The following AFAP1L2 variants were observed in gnomAD, a reference collection of about 807,000 sequenced individuals.
The protein encoded by AFAP1L2 is actin filament associated protein 1 like 2, also known as actin filament-associated protein 1-like 2.
AFAP1L2 carries 46 observed loss-of-function variants against 99.3 expected under a neutral mutation model. That is an observed-to-expected ratio of 0.46 (90% CI 0.37 to 0.59). The LOEUF (loss-of-function observed/expected upper bound fraction) is 0.59. Ranked by LOEUF, AFAP1L2 falls within the 20% of genes least tolerant of loss-of-function variation. AFAP1L2 has a pLI of 0.00. For missense variants in AFAP1L2, 959 were observed against 1,034.9 expected, an observed-to-expected ratio of 0.93 and a Z score of 1.01; for synonymous variants, 397 against 419.1, an observed-to-expected ratio of 0.95 and a Z score of 0.64.
chr10:114,295,848 T>C lies in AFAP1L2; in HGVS notation c.*194A>G, dbSNP rs1213094809. ...ACTTAGGTCTCCAAAGAAGCCTCCT[T>C]TTTGTTGTATTATTTCCTTTGGCTC... On this transcript the variant is annotated 3_prime_UTR_variant, in exon 19 of 19. Coordinates refer to ENST00000304129, the MANE Select transcript of AFAP1L2 (RefSeq NM_001001936.3). 2 of 1,414,914 alleles carry C rather than the reference T, an allele frequency of 1.4e-6. No homozygotes were observed. Among genetic ancestry groups the C allele is most frequent in the African/African-American group, 2.9e-5 (2 of 69,478 alleles). The allele number at this position is 1,414,914 out of a possible 1,614,324, so 87.6% of individuals were successfully genotyped here. A position where few individuals can be genotyped will look rare whatever the true frequency, so the allele number is the denominator to read the frequency against.
At chr10:114,367,123 AG>A (rs2053391282) in intron 1 of AFAP1L2, among the ~76,000 whole-genome samples, 1 of 152,196 alleles carries the variant, frequency 6.6e-6, no homozygotes, top group Non-Finnish European at 1.5e-5. Context: ...TGGGAGGTGA[AG>A]GCTAACACAT....
intron 1 of AFAP1L2, among the ~76,000 whole-genome samples, chr10:114,345,534 C>T (rs893572256): frequency 6.6e-6 from 1 of 152,168 alleles, no homozygotes; most frequent in Admixed American, 6.5e-5. Context: ...AGCTGTGCCC[C>T]TACCACCTCA....
chr10:114,290,086 G>C, downstream of AFAP1L2: 1 of 951,288 alleles, frequency 1.1e-6, no homozygotes, highest in South Asian at 1.8e-5. Context: ...TACTAACCTA[G>C]CCAAGTGGTA....
chr10:114,404,667 C>CCCT, upstream of AFAP1L2: 1 of 569,938 alleles, frequency 1.8e-6, no homozygotes, highest in Non-Finnish European at 2.6e-6. Context: ...GTCCCAGCGC[C>CCCT]GGAGAACTCC....
intron 8 of AFAP1L2, among the ~76,000 whole-genome samples, chr10:114,309,501 C>G (rs898239512): frequency 1.3e-5 from 2 of 152,184 alleles, no homozygotes; most frequent in Non-Finnish European, 2.9e-5. Context: ...CTATGTGTGC[C>G]CACGCTTCAG....
intron 4 of AFAP1L2, chr10:114,326,154 C>T (rs144302920): frequency 2.4e-4 from 188 of 788,692 alleles, no homozygotes; most frequent in Non-Finnish European, 3.0e-4. Context: ...AGGGTGGAGC[C>T]AGGCAGTGTT....
intron 18 of AFAP1L2, 103 bp downstream of exon 18, chr10:114,296,875 A>C (rs778630378): frequency 1.3e-6 from 2 of 1,590,010 alleles, no homozygotes; most frequent in Non-Finnish European, 1.7e-6. Flanking sequence ...CCTTGCTCAG[A>C]GCTGGTGCCA....
chr10:114,392,285 G>A (rs1354437510), intron 1 of AFAP1L2, among the ~76,000 whole-genome samples: 1 of 152,162 alleles, frequency 6.6e-6, no homozygotes, highest in East Asian at 1.9e-4. Flanking sequence ...AGCTGCTCAG[G>A]AGACTGAGTC....
In AFAP1L2 at chr10:114,300,668, G is replaced by C. The variant is rs2781806; in HGVS notation, c.1565C>G (p.Thr522Ser). ...TAAVEPTEEA[T>S]PVADDPNERE... ...CTCATTTGGGTCATCTGCAACAGGG[G>C]TGGCTTCCTCGGTAGGCTCCACCTG... The change falls in exon 14 of 19, where the codon ACC becomes AGC. Residue 522 changes from threonine (T) to serine (S), a missense_variant. Thr to Ser is a moderately conservative substitution (Grantham distance 58, BLOSUM62 1). This residue lies in a region of AFAP1L2 where 576 missense variants were observed against 562.1 expected (regional missense o/e 1.02). Coordinates refer to ENST00000304129, the MANE Select transcript of AFAP1L2 (RefSeq NM_001001936.3). The C allele has an allele frequency of 0.03, 47,608 of 1,602,178 alleles. 1,013 individuals carry two copies. The highest frequency in any genetic ancestry group is 0.08 in the African/African-American group (5,987 of 74,890).
At chr10:114,357,845 G>A (rs922657817) in intron 1 of AFAP1L2, among the ~76,000 whole-genome samples, 9 of 152,132 alleles carry the variant, frequency 5.9e-5, no homozygotes, top group East Asian at 1.9e-4. Flanking sequence ...TTCCAACCAC[G>A]GTTATTTTCC....
chr10:114,346,365 C>T lies in AFAP1L2; in HGVS notation c.17-5634G>A, dbSNP rs117391384. The stretch of plus-strand genomic sequence containing the variant: ...CTATCTCCAGGGCAGAAGCTCTTTC[C>T]GGTCAAGGGTCAAGATTTATAGATT... On this transcript the variant is annotated intron_variant, in intron 1 of 18. Transcript: ENST00000304129. 6.6e-5 allele frequency among the ~76,000 whole-genome samples: 10 copies of T among 152,252 alleles called. No homozygotes were observed. The East Asian group carries it at 1.4e-3, about 21-fold the overall frequency.
At position 114,314,062 on chromosome 10, in the gene AFAP1L2, G is replaced by A; in HGVS notation, c.613-12C>T. On this transcript the variant is annotated splice_polypyrimidine_tract_variant and intron_variant, in intron 6 of 18. Transcript: ENST00000304129. ...GAGGATTTGTAGCACTGGAAGGAAA[G>A]AGAGAAGATACACCACTTTGCCAGG... The A allele has an allele frequency of 6.2e-7, 1 of 1,605,336 alleles. No individual in the cohort carries two copies. Among genetic ancestry groups the A allele is most frequent in the Non-Finnish European group, 8.5e-7 (1 of 1,173,076 alleles).
At chr10:114,300,820 G>C (rs1416769317) in intron 13 of AFAP1L2, 130 bp from the exon 14 acceptor site, 3 of 1,307,720 alleles carry the variant, frequency 2.3e-6, no homozygotes, top group Non-Finnish European at 3.1e-6. Context: ...CTCCCTGCTG[G>C]GGGGGCCACT....
At chr10:114,378,872 T>C (rs1410564446) in intron 1 of AFAP1L2, among the ~76,000 whole-genome samples, 1 of 152,014 alleles carries the variant, frequency 6.6e-6, no homozygotes, top group East Asian at 1.9e-4. Context: ...GTCAGCAAAA[T>C]TGGGATCTTC....
intron 4 of AFAP1L2, among the ~76,000 whole-genome samples, chr10:114,330,471 A>G (rs1244594359): frequency 6.6e-6 from 1 of 152,216 alleles, no homozygotes; most frequent in Admixed American, 6.5e-5. Flanking sequence ...AGGCTGTGTG[A>G]CATTAGGTTT....
intron 12 of AFAP1L2, 80 bp downstream of exon 12, chr10:114,302,259 C>A: frequency 6.3e-6 from 10 of 1,580,398 alleles, no homozygotes; most frequent in Non-Finnish European, 8.7e-6. Context: ...CTCCCTGCTG[C>A]CCCTGACTCT....
chr10:114,368,496 T>G (rs34519648), intron 1 of AFAP1L2, among the ~76,000 whole-genome samples: 5,249 of 152,276 alleles, frequency 0.034, 133 homozygotes, highest in Middle Eastern at 0.082. Flanking sequence ...CATGGCTCAC[T>G]GCAGCCTCCA....
At chr10:114,333,125 G>C (rs562847213) in intron 3 of AFAP1L2, 96 bp downstream of exon 3, 1 of 1,165,746 alleles carries the variant, frequency 8.6e-7, no homozygotes, top group Admixed American at 1.9e-5. Flanking sequence ...TCTGTGTGCC[G>C]GCTGGGAGGA....
At chr10:114,372,147 T>C (rs1254969362) in intron 1 of AFAP1L2, among the ~76,000 whole-genome samples, 2 of 152,230 alleles carry the variant, frequency 1.3e-5, no homozygotes, top group Non-Finnish European at 1.5e-5. Flanking sequence ...TGGGGATTGA[T>C]GCTCTAAATC....
Sources: gnomAD v4.1 joint callset for allele counts (sites outside exome capture counted in the v4.1 genomes callset) on GRCh38, gnomAD v4.1.1 for gene constraint, gnomAD v4.1.1 regional missense constraint, MANE v1.5 for transcripts, NCBI Gene and HGNC (gene_info 2026-07-23, HGNC 2026-07-21) for gene names.